TBC1D2: variants seen among roughly 807,000 people sequenced by gnomAD.
TBC1D2 encodes TBC1 domain family member 2.
Under a neutral mutation model 91.1 loss-of-function variants are expected in TBC1D2, and 58 were observed. That is an observed-to-expected ratio of 0.64 (90% CI 0.52 to 0.79). TBC1D2 has a LOEUF of 0.79. Ranked by LOEUF, TBC1D2 falls within the 30% of genes least tolerant of loss-of-function variation. The pLI, the probability that TBC1D2 is intolerant of heterozygous loss-of-function variation, is 0.00. For synonymous variants in TBC1D2, 482 were observed against 511.5 expected (o/e 0.94, Z 0.78); for missense variants, 1,080 against 1,208.3 (o/e 0.89, Z 1.57).
chr9:98,250,789 A>T (rs536291767), intron 2 of TBC1D2, among the ~76,000 whole-genome samples: 76 of 152,254 alleles, frequency 5.0e-4, no homozygotes, highest in Non-Finnish European at 8.2e-4. Context: ...CTGATTTTCC[A>T]CATTCTTGCA....
At chr9:98,211,207 G>A (rs1472184273) in intron 7 of TBC1D2, among the ~76,000 whole-genome samples, 1 of 152,230 alleles carries the variant, frequency 6.6e-6, no homozygotes, top group Non-Finnish European at 1.5e-5. Flanking sequence ...TGTAAAATGA[G>A]GATCATACAG....
Position 98,221,242 on chromosome 9 carries a change from G to C in TBC1D2, c.979-14C>G. The C allele has an allele frequency of 6.6e-7, 1 of 1,522,684 alleles. No individual in the cohort carries two copies. Among genetic ancestry groups the C allele is most frequent in the Non-Finnish European group, 8.8e-7 (1 of 1,130,034 alleles). 94.3% of individuals were successfully genotyped at this position (1,522,684 alleles called of 1,614,324 possible). ...CTTCACTAGCTCCTGGGCAGGGAGA[G>C]GGAAGAATCTTGTGAGCTCAGGGAG... On this transcript the variant is annotated splice_polypyrimidine_tract_variant and intron_variant, in intron 5 of 12. Coordinates refer to ENST00000465784, the MANE Select transcript of TBC1D2 (RefSeq NM_001267571.2).
intron 9 of TBC1D2, among the ~76,000 whole-genome samples, chr9:98,204,469 G>A (rs921254003): frequency 5.9e-5 from 9 of 152,310 alleles, no homozygotes; most frequent in Middle Eastern, 3.4e-3. Context: ...GGACCCTGGA[G>A]AGATGTCGCT....
intron 9 of TBC1D2, among the ~76,000 whole-genome samples, chr9:98,204,297 T>G (rs1183752972): frequency 6.6e-6 from 1 of 152,220 alleles, no homozygotes; most frequent in Admixed American, 6.5e-5. Flanking sequence ...TTCTAGCCCC[T>G]GAGAGGCTTA....
At chr9:98,241,303 G>A (rs1450439600) in intron 3 of TBC1D2, among the ~76,000 whole-genome samples, 2 of 152,164 alleles carry the variant, frequency 1.3e-5, no homozygotes. Flanking sequence ...CACTTCACAG[G>A]TTTGTCTAGA....
chr9:98,240,224 T>C lies in TBC1D2; in HGVS notation c.647+3770A>G, dbSNP rs542259130. On this transcript the variant is annotated intron_variant, in intron 3 of 12. Coordinates refer to ENST00000465784, the MANE Select transcript of TBC1D2 (RefSeq NM_001267571.2). ...TATAGTTGGGCCCAGAATAAGAAAA[T>C]AATGAGATTATACTTTCATGGATAG... 5.0e-4 allele frequency among the ~76,000 whole-genome samples: 75 copies of C among 151,286 alleles called. 2 individuals carry two copies. The South Asian group carries it at 0.011, about 22-fold the overall frequency.
intron 12 of TBC1D2, 50 bp downstream of exon 12, chr9:98,200,203 C>A: frequency 1.2e-6 from 2 of 1,608,368 alleles, no homozygotes; most frequent in South Asian, 1.1e-5. Context: ...TGCTATGTGT[C>A]CTTGGGGGTG....
Position 98,199,575 on chromosome 9 carries a change from T to C in TBC1D2, c.2593A>G (p.Ile865Val). 6.2e-7 allele frequency: 1 copy of C among 1,613,994 alleles called. No homozygotes were observed. The highest frequency in any genetic ancestry group is 1.1e-5 in the South Asian group (1 of 91,074). Residue 865 changes from isoleucine (I) to valine (V), a missense_variant, in exon 13 of 13, where the codon ATC (isoleucine) becomes GTC (valine). Ile to Val is a conservative substitution (Grantham distance 29, BLOSUM62 3). Transcript: ENST00000465784. ...AAGGGGTTCATGTCATTGAAGGCGA[T>C]GTTCATCAGCTTCCTGGGAGGAGGG... ...TISNSRKLMN[I>V]AFNDMNPFRM...
intron 5 of TBC1D2, 105 bp from the exon 6 acceptor site, chr9:98,221,333 C>T: frequency 7.5e-7 from 1 of 1,337,402 alleles, no homozygotes; most frequent in Non-Finnish European, 1.0e-6. Context: ...TGAGAGGTGC[C>T]CAGCAGCATC....
At chr9:98,212,562 C>T (rs1020887764) in intron 7 of TBC1D2, among the ~76,000 whole-genome samples, 9 of 151,402 alleles carry the variant, frequency 5.9e-5, no homozygotes, top group African/African-American at 1.2e-4. Flanking sequence ...AGTGCAGTGG[C>T]GCAATCTCGG....
intron 2 of TBC1D2, among the ~76,000 whole-genome samples, chr9:98,245,776 T>A (rs982088771): frequency 1.3e-5 from 2 of 152,148 alleles, no homozygotes; most frequent in Admixed American, 6.5e-5. Flanking sequence ...TATGTATTTA[T>A]CAAAAATAGA....
chr9:98,205,213 G>A (rs1426353803), intron 9 of TBC1D2, among the ~76,000 whole-genome samples: 1 of 152,188 alleles, frequency 6.6e-6, no homozygotes, highest in Admixed American at 6.5e-5. Context: ...TTCCCCCTGA[G>A]CCTCAGAATG....
chr9:98,232,428 T>G (rs891875951), intron 4 of TBC1D2, among the ~76,000 whole-genome samples: 2 of 146,960 alleles, frequency 1.4e-5, no homozygotes, highest in Non-Finnish European at 3.0e-5. Context: ...CAAGTGATCC[T>G]CCCAGCTGAG....
chr9:98,207,422 G>C (rs2119014077), intron 9 of TBC1D2, among the ~76,000 whole-genome samples: 1 of 152,334 alleles, frequency 6.6e-6, no homozygotes, highest in African/African-American at 2.4e-5. Context: ...AAATAGCTGG[G>C]GCTGGAGCGG....
At chr9:98,202,828 A>T (rs1828543848) in intron 10 of TBC1D2, among the ~76,000 whole-genome samples, 1 of 152,278 alleles carries the variant, frequency 6.6e-6, no homozygotes, top group Admixed American at 6.5e-5. Context: ...AAATATGTAC[A>T]TTTCCTAACT....
At chr9:98,220,217 A>G (rs971708384) in intron 6 of TBC1D2, among the ~76,000 whole-genome samples, 1 of 152,194 alleles carries the variant, frequency 6.6e-6, no homozygotes, top group African/African-American at 2.4e-5. Flanking sequence ...GACCCTGGGC[A>G]GGCTCCTTAA....
At position 98,200,338 on chromosome 9, in the gene TBC1D2, T is replaced by C. The variant is rs778216215; in HGVS notation, c.2494A>G (p.Asn832Asp). ...FRYALAIFKY[N>D]EKEILRLQNG... Reference sequence around the variant, plus strand: ...TGTAGCCTCAAGATCTCCTTCTCGTTGTACTTGAAAATGGCCAAGGCATAG... The same window carrying C: ...TGTAGCCTCAAGATCTCCTTCTCGTCGTACTTGAAAATGGCCAAGGCATAG... Residue 832 changes from asparagine to aspartate, a missense_variant, in exon 12 of 13, where the codon AAC becomes GAC. Asn to Asp is a conservative substitution (Grantham distance 23). Transcript: ENST00000465784. The C allele has an allele frequency of 1.2e-6, 2 of 1,610,218 alleles. No individual in the cohort carries two copies. The highest frequency in any genetic ancestry group is 1.7e-6 in the Non-Finnish European group (2 of 1,178,828).
Position 98,199,266 on chromosome 9 carries a change from G to T in TBC1D2, c.*115C>A. 2 of 1,165,440 alleles carry T rather than the reference G, an allele frequency of 1.7e-6. No individual in the cohort carries two copies. The highest frequency in any genetic ancestry group is 2.5e-6 in the Non-Finnish European group (2 of 803,568). The allele number at this position is 1,165,440 out of a possible 1,614,324, so 72.2% of individuals were successfully genotyped here. A position where few individuals can be genotyped will look rare whatever the true frequency, so the allele number is the denominator to read the frequency against. ...GAGGGCCAGAGAGGGGAAGGGACAT[G>T]TCCAAGGTCACATGGTGATGGGACA... is the stretch of plus-strand genomic sequence containing the variant. On this transcript the variant is annotated 3_prime_UTR_variant, in exon 13 of 13. Transcript: ENST00000465784.
intron 9 of TBC1D2, among the ~76,000 whole-genome samples, chr9:98,207,893 A>G (rs925792951): frequency 2.6e-5 from 4 of 152,192 alleles, no homozygotes; most frequent in African/African-American, 9.6e-5. Flanking sequence ...TGCTGCAGAC[A>G]GCAGCTGCCT....
Sources: gnomAD v4.1 joint callset for allele counts (sites outside exome capture counted in the v4.1 genomes callset) on GRCh38, gnomAD v4.1.1 for gene constraint, MANE v1.5 for transcripts, NCBI Gene and HGNC (gene_info 2026-07-23, HGNC 2026-07-21) for gene names.